The following HMGB1 variants were observed in gnomAD, a reference collection of about 807,000 sequenced individuals.
HMGB1 encodes high mobility group protein B1.
For synonymous variants in HMGB1, 81 were observed against 84.0 expected, an observed-to-expected ratio of 0.96 and a Z score of 0.19; for missense variants, 79 against 253.5, an observed-to-expected ratio of 0.31 and a Z score of 4.67.
intron 1 of HMGB1, among the ~76,000 whole-genome samples, chr13:30,484,629 G>A (rs1825913556): frequency 6.6e-6 from 1 of 152,138 alleles, no homozygotes; most frequent in Admixed American, 6.6e-5. Context: ...CAGCACTTTG[G>A]GAGGCCAAGG....
upstream of HMGB1, among the ~76,000 whole-genome samples, chr13:30,466,304 C>CT (rs1017377774): frequency 8.6e-5 from 13 of 151,720 alleles, no homozygotes; most frequent in South Asian, 2.1e-4. Flanking sequence ...TCTCCCCCCC[C>CT]CTTCTTGCCC....
intron 1 of HMGB1, among the ~76,000 whole-genome samples, chr13:30,535,526 C>T (rs1435580518): frequency 1.3e-5 from 2 of 152,182 alleles, no homozygotes; most frequent in Non-Finnish European, 2.9e-5. Flanking sequence ...TTAATTGCTT[C>T]AGCAGGAAAA....
intron 1 of HMGB1, among the ~76,000 whole-genome samples, chr13:30,548,193 G>T (rs562704543): frequency 1.3e-5 from 2 of 152,092 alleles, no homozygotes; most frequent in African/African-American, 4.8e-5. Context: ...TGAATCATGG[G>T]GGTGGTTACC....
intron 1 of HMGB1, chr13:30,554,716 T>C (rs796822945): frequency 3.9e-6 from 3 of 769,990 alleles, no homozygotes; most frequent in African/African-American, 3.4e-5. Flanking sequence ...CGGAAACATA[T>C]TCTAGAGGAC....
chr13:30,613,698 T>A (rs115834887), intron 1 of HMGB1, among the ~76,000 whole-genome samples: 434 of 152,328 alleles, frequency 2.8e-3, no homozygotes, highest in African/African-American at 9.9e-3. Context: ...ATTCAGGTGA[T>A]GTGATTTATC....
chr13:30,571,170 C>T (rs1870405341), intron 1 of HMGB1, among the ~76,000 whole-genome samples: 2 of 151,926 alleles, frequency 1.3e-5, no homozygotes, highest in South Asian at 4.2e-4. Flanking sequence ...TATATATAGT[C>T]ATTTTATTCT....
intron 3 of HMGB1, among the ~76,000 whole-genome samples, 153 bp from the exon 4 acceptor site, chr13:30,462,865 C>T (rs1234362196): frequency 6.6e-6 from 1 of 152,206 alleles, no homozygotes; most frequent in African/African-American, 2.4e-5. Flanking sequence ...ATATCCTTCA[C>T]AACCAAAGCT....
intron 1 of HMGB1, among the ~76,000 whole-genome samples, chr13:30,577,306 C>T (rs1870698749): frequency 6.7e-6 from 1 of 149,248 alleles, no homozygotes; most frequent in South Asian, 2.1e-4. Context: ...CACCTCTGCA[C>T]TCCAGCCTGG....
At chr13:30,576,261 GGAGAC>G (rs1870650327) in intron 1 of HMGB1, among the ~76,000 whole-genome samples, 1 of 152,050 alleles carries the variant, frequency 6.6e-6, no homozygotes, top group African/African-American at 2.4e-5. Context: ...AAATGGCTTG[GGAGAC>G]CTAAATTCTA....
chr13:30,528,921 T>C (rs1888433714), intron 1 of HMGB1, among the ~76,000 whole-genome samples: 1 of 148,802 alleles, frequency 6.7e-6, no homozygotes, highest in South Asian at 2.1e-4. Context: ...CCCAGCTCCT[T>C]GGTAGGCTGA....
chr13:30,518,572 T>C (rs188502211), intron 1 of HMGB1, among the ~76,000 whole-genome samples: 1 of 152,236 alleles, frequency 6.6e-6, no homozygotes, highest in African/African-American at 2.4e-5. Flanking sequence ...TTCTGTAAAA[T>C]AGGAGAAATT....
At chr13:30,570,973 A>G (rs1013713228) in intron 1 of HMGB1, among the ~76,000 whole-genome samples, 3 of 152,242 alleles carry the variant, frequency 2.0e-5, no homozygotes, top group Non-Finnish European at 4.4e-5. Flanking sequence ...CACATAAATC[A>G]ATTCTCAAAA....
intron 1 of HMGB1, among the ~76,000 whole-genome samples, chr13:30,557,946 G>T (rs1443247367): frequency 2.0e-5 from 3 of 152,182 alleles, no homozygotes; most frequent in Non-Finnish European, 2.9e-5. Flanking sequence ...CAGTGTCCCT[G>T]AGGTTCCTGT....
intron 1 of HMGB1, among the ~76,000 whole-genome samples, chr13:30,538,451 ATTCTTTCTTTCTTTCT>A (rs760828749): frequency 0.014 from 1,313 of 90,604 alleles, 60 homozygotes; most frequent in Non-Finnish European, 0.019. Flanking sequence ...AGTACTAGCA[ATTCTTTCTTTCTTTCT>A]TTCTTTCTTT....
exon 1 of HMGB1, chr13:30,617,054 C>A (rs150048357): frequency 6.6e-6 from 1 of 152,240 alleles, no homozygotes; most frequent in Non-Finnish European, 1.5e-5. Flanking sequence ...GACCTTCCTA[C>A]GAAAGCAAAG....
At chr13:30,544,060 G>A (rs555841339) in intron 1 of HMGB1, among the ~76,000 whole-genome samples, 5 of 152,360 alleles carry the variant, frequency 3.3e-5, no homozygotes, top group African/African-American at 1.2e-4. Flanking sequence ...TCAACTCTCA[G>A]CTAGATGTGT....
In HMGB1 at chr13:30,461,158, A is replaced by G. The variant is rs1886300863; in HGVS notation, c.*199T>C. On this transcript the variant is annotated 3_prime_UTR_variant, in exon 5 of 5. Transcript: ENST00000341423. The stretch of plus-strand genomic sequence containing the variant: ...ACTGTACCAGGCAAGGTTAGTGGCT[A>G]TTGAAAATACCACCAGGACAGGGCT... 1.5e-6 allele frequency: 2 copies of G among 1,333,970 alleles called. No individual in the cohort carries two copies. The highest frequency in any genetic ancestry group is 1.9e-6 in the Non-Finnish European group (2 of 1,037,464). 82.6% of individuals were successfully genotyped at this position (1,333,970 alleles called of 1,614,324 possible).
At chr13:30,499,782 CTTTG>C (rs1263183527) in intron 1 of HMGB1, among the ~76,000 whole-genome samples, 2 of 152,216 alleles carry the variant, frequency 1.3e-5, no homozygotes, top group African/African-American at 4.8e-5. Context: ...AATTATGTGA[CTTTG>C]TTTGAAGAAT....
intron 1 of HMGB1, among the ~76,000 whole-genome samples, chr13:30,564,631 G>A (rs1419086181): frequency 6.6e-6 from 1 of 152,116 alleles, no homozygotes. Flanking sequence ...TTTCTATTGT[G>A]GCCACTAGTG....
Sources: allele counts gnomAD v4.1 joint callset (sites outside exome capture counted in the v4.1 genomes callset), GRCh38; gene constraint gnomAD v4.1.1; transcripts MANE v1.5; gene names NCBI Gene and HGNC (gene_info 2026-07-23, HGNC 2026-07-21).